NOSTRIN: variants seen among roughly 807,000 people sequenced by gnomAD.
The protein encoded by NOSTRIN is BM247 homolog.
Under a neutral mutation model 59.0 loss-of-function variants are expected in NOSTRIN, and 63 were observed. The observed-to-expected ratio is 1.07, with a 90% CI of 0.87 to 1.32. The LOEUF (loss-of-function observed/expected upper bound fraction) is 1.32. Ranked by LOEUF, NOSTRIN falls within the 40% of genes most tolerant of loss-of-function variation. The pLI, the probability that NOSTRIN is intolerant of heterozygous loss-of-function variation, is 0.00. For missense variants in NOSTRIN, 512 were observed against 473.1 expected (o/e 1.08, Z -0.76); for synonymous variants, 200 against 165.4 (o/e 1.21, Z -1.61).
chr2:168,838,530 G>A (rs1241900216), intron 7 of NOSTRIN, among the ~76,000 whole-genome samples: 5 of 151,698 alleles, frequency 3.3e-5, no homozygotes, highest in Non-Finnish European at 5.9e-5. Context: ...GCGAGCCACC[G>A]TGCCCAGCCC....
chr2:168,843,046 T>C lies in NOSTRIN; in HGVS notation c.559T>C (p.Tyr187His), dbSNP rs755489701. 1 of 872,380 alleles carries C rather than the reference T, an allele frequency of 1.1e-6. No homozygotes were observed. Among genetic ancestry groups the C allele is most frequent in the Non-Finnish European group, 2.0e-6 (1 of 501,468 alleles). The allele number at this position is 872,380 out of a possible 1,614,324, so 54.0% of individuals were successfully genotyped here. ...TEKLEKEDEN[Y>H]YQKNMAGYST... ...AAAGTTGGAAAAGGAAGATGAAAATTACTACCAAAAAAACATGGCGGGTTA... is the reference window on the plus strand; with the variant it reads ...AAAGTTGGAAAAGGAAGATGAAAATCACTACCAAAAAAACATGGCGGGTTA... Residue 187 changes from tyrosine (Y) to histidine (H), a missense_variant, in exon 8 of 16, where the codon TAC (tyrosine) becomes CAC (histidine). Transcript: ENST00000317647.
At chr2:168,802,109 TG>T (rs1272850291), upstream of NOSTRIN, among the ~76,000 whole-genome samples, 1 of 152,118 alleles carries the variant, frequency 6.6e-6, no homozygotes, top group African/African-American at 2.4e-5. Flanking sequence ...TGGGGAGGTT[TG>T]GGCTCTGGAT....
At chr2:168,789,344 G>T (rs1052729628) in intron 2 of NOSTRIN, among the ~76,000 whole-genome samples, 2 of 152,234 alleles carry the variant, frequency 1.3e-5, no homozygotes, top group African/African-American at 4.8e-5. Context: ...CCACATGGAT[G>T]GGGAGACCTC....
intron 7 of NOSTRIN, among the ~76,000 whole-genome samples, chr2:168,836,617 C>A (rs1245126110): frequency 6.6e-6 from 1 of 152,158 alleles, no homozygotes; most frequent in African/African-American, 2.4e-5. Context: ...CCACCAGAAG[C>A]TGATCTAAAC....
intron 6 of NOSTRIN, among the ~76,000 whole-genome samples, chr2:168,833,391 A>G (rs1359525244): frequency 6.6e-6 from 1 of 152,208 alleles, no homozygotes. Flanking sequence ...TTTGCCTTTG[A>G]TTCCCAAGCT....
chr2:168,787,863 A>C (rs1685245786), exon 2 of NOSTRIN: 1 of 138,090 alleles, frequency 7.2e-6, no homozygotes, highest in Admixed American at 7.6e-5. Context: ...TTTTTCAGAT[A>C]AACTGAAGCA....
intron 11 of NOSTRIN, chr2:168,855,881 C>T (rs766962193): frequency 2.7e-5 from 12 of 451,858 alleles, no homozygotes; most frequent in East Asian, 7.1e-5. Context: ...AAATTCTGTA[C>T]GTAGAAGTTA....
rs776698855 is a variant in NOSTRIN, at chr2:168,864,935, C to A, written c.1486C>A (p.Pro496Thr). 6.2e-7 allele frequency: 1 copy of A among 1,614,100 alleles called. No individual in the cohort carries two copies. Among genetic ancestry groups the A allele is most frequent in the South Asian group, 1.1e-5 (1 of 91,068 alleles). The change falls in exon 16 of 16, where the codon CCT becomes ACT. Residue 496 changes from proline (P) to threonine (T), a missense_variant. Physicochemically the swap from Pro to Thr is conservative, Grantham distance 38. Coordinates refer to ENST00000317647, the MANE Select transcript of NOSTRIN (RefSeq NM_001039724.4). ...TCCTGCCGCTTATGTGGAGGAGTTA[C>A]CTTCAAATGCTGGCAACACAGCTAC... ...HFPAAYVEELPSNAGNTATKA is the reference protein window; with the variant it reads ...HFPAAYVEELTSNAGNTATKA
chr2:168,808,663 G>C (rs948989976), intron 1 of NOSTRIN, among the ~76,000 whole-genome samples: 6 of 151,972 alleles, frequency 3.9e-5, no homozygotes, highest in African/African-American at 1.5e-4. Flanking sequence ...AAAGCCACAG[G>C]ACCTATAAAG....
chr2:168,841,436 T>G (rs1229640520), intron 7 of NOSTRIN, among the ~76,000 whole-genome samples: 2 of 152,084 alleles, frequency 1.3e-5, no homozygotes, highest in Non-Finnish European at 2.9e-5. Flanking sequence ...TACACTGATT[T>G]TCCAGAAGAT....
chr2:168,824,457 C>A (rs554266466), intron 2 of NOSTRIN, among the ~76,000 whole-genome samples, 177 bp from the exon 3 acceptor site: 1 of 152,264 alleles, frequency 6.6e-6, no homozygotes, highest in South Asian at 2.1e-4. Context: ...TGCCACCACG[C>A]CTGGCTAATT....
chr2:168,817,132 T>C (rs1686452796), intron 2 of NOSTRIN, among the ~76,000 whole-genome samples: 1 of 152,232 alleles, frequency 6.6e-6, no homozygotes, highest in Non-Finnish European at 1.5e-5. Flanking sequence ...TCTCCATTTC[T>C]GATTTACAGA....
At chr2:168,798,730 A>C (rs1470773901), upstream of NOSTRIN, among the ~76,000 whole-genome samples, 1 of 152,168 alleles carries the variant, frequency 6.6e-6, no homozygotes, top group Non-Finnish European at 1.5e-5. Context: ...AGAGAACTCA[A>C]AAGGACTCTT....
At chr2:168,862,113 C>A in intron 15 of NOSTRIN, 64 bp downstream of exon 15, 2 of 1,460,326 alleles carry the variant, frequency 1.4e-6, no homozygotes, top group Non-Finnish European at 1.9e-6. Context: ...ATGAATAAAA[C>A]CCTGTCTTAG....
intron 7 of NOSTRIN, among the ~76,000 whole-genome samples, 176 bp downstream of exon 7, chr2:168,834,501 G>GCA (rs1425272036): frequency 4.9e-4 from 54 of 110,746 alleles, no homozygotes; most frequent in African/African-American, 8.3e-4. Flanking sequence ...GCGCGCGCGC[G>GCA]CGCGCGCACA....
Position 168,861,961 on chromosome 2 carries a change from C to T in NOSTRIN, c.1296C>T (p.Ala432=), listed in dbSNP as rs1689481971. The stretch of plus-strand genomic sequence containing the variant: ...TAATTACAGCTTTATCTATTTCAGC[C>T]CCTGGTGCAGCCCAGCTCAGCAGCA... ...GQSNPGSSTP[A]PGAAQLSSRL... Residue 432 remains alanine, a splice_region_variant and synonymous_variant, in exon 15 of 16, where the codon GCC becomes GCT. Transcript: ENST00000317647. 2 of 1,614,022 alleles carry T rather than the reference C, an allele frequency of 1.2e-6. No homozygotes were observed. Among genetic ancestry groups the T allele is most frequent in the Middle Eastern group, 3.3e-4 (2 of 6,060 alleles).
At chr2:168,834,505 GCGCA>G (rs1421530325) in intron 7 of NOSTRIN, among the ~76,000 whole-genome samples, 180 bp downstream of exon 7, 3 of 103,080 alleles carry the variant, frequency 2.9e-5, no homozygotes, top group Admixed American at 1.0e-4. Flanking sequence ...GCGCGCGCGC[GCGCA>G]CACACACACA....
intron 7 of NOSTRIN, among the ~76,000 whole-genome samples, chr2:168,842,659 CT>C (rs1688168906): frequency 6.6e-6 from 1 of 152,186 alleles, no homozygotes; most frequent in Admixed American, 6.5e-5. Flanking sequence ...CAATTGCAAT[CT>C]TGACCTGTAC....
intron 1 of NOSTRIN, chr2:168,811,303 G>A (rs888029129): frequency 9.1e-6 from 2 of 219,584 alleles, no homozygotes; most frequent in African/African-American, 4.6e-5. Flanking sequence ...GCACCCCACT[G>A]CTGAATTGTT....
Sources: gnomAD v4.1 joint callset for allele counts (sites outside exome capture counted in the v4.1 genomes callset) on GRCh38, gnomAD v4.1.1 for gene constraint, MANE v1.5 for transcripts, NCBI Gene and HGNC (gene_info 2026-07-23, HGNC 2026-07-21) for gene names.